Variants in ANKRD30B observed in about 807,000 individuals in gnomAD.
The protein encoded by ANKRD30B is ankyrin repeat domain-containing protein 30B.
In ANKRD30B, 144 loss-of-function variants were observed where a neutral mutation model predicts 202.2. The observed-to-expected ratio is 0.71, with a 90% confidence interval of 0.62 to 0.82. The LOEUF (loss-of-function observed/expected upper bound fraction) is 0.82. Among genes scored for constraint, ANKRD30B ranks in the 40% least tolerant of loss-of-function variants. ANKRD30B has a pLI of 0.00. For missense variants in ANKRD30B, 1,487 were observed against 1,669.1 expected (o/e 0.89, Z 1.90); for synonymous variants, 508 against 561.3 (o/e 0.91, Z 1.34).
intron 41 of ANKRD30B, 116 bp downstream of exon 41, chr18:14,850,498 T>C: frequency 1.8e-6 from 2 of 1,103,026 alleles, no homozygotes; most frequent in East Asian, 3.2e-5. Context: ...AAAAGTATTG[T>C]CTTAAAATTA....
At chr18:14,808,192 T>A (rs190675199) in intron 24 of ANKRD30B, among the ~76,000 whole-genome samples, 1 of 150,846 alleles carries the variant, frequency 6.6e-6, no homozygotes, top group South Asian at 2.1e-4. Flanking sequence ...GACTTATTTT[T>A]TTTTTGGCGG....
At chr18:14,770,458 GTGTT>G (rs1352166317) in intron 8 of ANKRD30B, among the ~76,000 whole-genome samples, 2 of 152,236 alleles carry the variant, frequency 1.3e-5, no homozygotes, top group Non-Finnish European at 2.9e-5. Context: ...ATGTAGGTGA[GTGTT>G]TGAATAATAG....
Position 14,791,406 on chromosome 18 carries a change from C to T in ANKRD30B, c.1740C>T (p.Pro580=), listed in dbSNP as rs1968496220. 1 of 1,607,108 alleles carries T rather than the reference C, an allele frequency of 6.2e-7. No homozygotes were observed. The highest frequency in any genetic ancestry group is 1.3e-5 in the African/African-American group (1 of 74,552). The change falls in exon 16 of 44, where the codon CCC becomes CCT. Residue 580 remains proline (P), a synonymous_variant. Transcript: ENST00000690538. ...ATTGATATTACTTTTAACAGAGTCC[C>T]TGTGAGACGGTTTCACAGAAGGATG... The part of the protein sequence containing the change: ...DEENSWDSES[P]CETVSQKDVY...
At chr18:14,796,529 T>A (rs759475071) in intron 18 of ANKRD30B, 114 bp downstream of exon 18, 1 of 1,279,882 alleles carries the variant, frequency 7.8e-7, no homozygotes, top group African/African-American at 1.5e-5. Flanking sequence ...TGGGAAAATT[T>A]GAAACAAATA....
At chr18:14,867,853 G>C in the ANKRD30B span, among the ~76,000 whole-genome samples, 1 of 152,224 alleles carries the variant, frequency 6.6e-6, no homozygotes, top group Non-Finnish European at 1.5e-5. Flanking sequence ...CCAGTGGCCA[G>C]CATGACAAGG....
intron 24 of ANKRD30B, among the ~76,000 whole-genome samples, chr18:14,805,172 A>AAT (rs1029388331): frequency 4.0e-5 from 6 of 150,932 alleles, no homozygotes; most frequent in Middle Eastern, 3.4e-3. Flanking sequence ...GTGTTGGTAA[A>AAT]ATTGCCATTT....
At chr18:14,891,047 G>A in the ANKRD30B span, among the ~76,000 whole-genome samples, 4 of 151,940 alleles carry the variant, frequency 2.6e-5, no homozygotes, top group Admixed American at 6.6e-5. Context: ...AAATTTTAGC[G>A]TACTTTTATG....
intron 30 of ANKRD30B, among the ~76,000 whole-genome samples, chr18:14,818,132 C>T (rs1970213212): frequency 6.6e-6 from 1 of 152,090 alleles, no homozygotes; most frequent in Non-Finnish European, 1.5e-5. Flanking sequence ...ATTTCTATGT[C>T]AAAGAAATGT....
the ANKRD30B span, among the ~76,000 whole-genome samples, chr18:14,894,502 T>C: frequency 3.9e-5 from 6 of 152,038 alleles, no homozygotes; most frequent in African/African-American, 1.4e-4. Flanking sequence ...TGAAGGGGTA[T>C]ATATTAATAT....
At chr18:14,750,234 A>C (rs1191158319) in intron 1 of ANKRD30B, among the ~76,000 whole-genome samples, 4 of 152,182 alleles carry the variant, frequency 2.6e-5, no homozygotes, top group Non-Finnish European at 4.4e-5. Flanking sequence ...AATTCACTCA[A>C]ATCAACAGAA....
intron 9 of ANKRD30B, among the ~76,000 whole-genome samples, chr18:14,777,517 C>T (rs1400989727): frequency 4.0e-5 from 6 of 151,846 alleles, no homozygotes; most frequent in East Asian, 1.9e-4. Context: ...AGGGTAGTCT[C>T]GATCTCTTGA....
chr18:14,913,292 C>T, the ANKRD30B span, among the ~76,000 whole-genome samples: 20 of 152,296 alleles, frequency 1.3e-4, no homozygotes, highest in African/African-American at 4.6e-4. Context: ...CCATTCACAG[C>T]AGCTGGCCAG....
chr18:14,925,439 G>A, the ANKRD30B span, among the ~76,000 whole-genome samples: 4 of 152,340 alleles, frequency 2.6e-5, no homozygotes, highest in African/African-American at 7.2e-5. Flanking sequence ...CCTCACATTC[G>A]GCTCTGGGAG....
the ANKRD30B span, among the ~76,000 whole-genome samples, chr18:14,866,967 G>A: frequency 3.0e-4 from 13 of 43,126 alleles, no homozygotes; most frequent in Admixed American, 1.4e-3. Flanking sequence ...AATGCCAACT[G>A]GCAGGCAGTC....
rs1969334021 is a variant in ANKRD30B, at chr18:14,803,731, CAG to C, written c.2194_2195del. The C allele has an allele frequency of 6.3e-7, 1 of 1,592,774 alleles. No individual in the cohort carries two copies. The highest frequency in any genetic ancestry group is 2.3e-5 in the East Asian group (1 of 44,238). On this transcript the variant is annotated splice_acceptor_variant, in intron 23 of 43. Transcript: ENST00000690538. LOFTEE classifies it high-confidence loss of function. ...AATTATTTATTGATATTACTTTTAA[CAG>C]AGTTTCCTTGAGACTCTCTTACAGA...
chr18:14,903,618 A>G, the ANKRD30B span: 2 of 152,204 alleles, frequency 1.3e-5, no homozygotes, highest in Non-Finnish European at 2.9e-5. Context: ...GTCTCTATGT[A>G]GACAGAGAAC....
the ANKRD30B span, among the ~76,000 whole-genome samples, chr18:14,917,732 A>G: frequency 5.9e-5 from 9 of 152,346 alleles, no homozygotes; most frequent in South Asian, 1.9e-3. Context: ...CTGGCACAGC[A>G]TGAGTGTGCT....
intron 14 of ANKRD30B, among the ~76,000 whole-genome samples, chr18:14,786,043 TCAAAAAA>T (rs1422256852): frequency 2.6e-5 from 1 of 38,540 alleles, no homozygotes; most frequent in Non-Finnish European, 4.1e-5. Context: ...AGACTCCGTC[TCAAAAAA>T]AAAAAAAAAA....
intron 5 of ANKRD30B, among the ~76,000 whole-genome samples, chr18:14,758,182 A>T (rs771354690): frequency 6.6e-6 from 1 of 152,126 alleles, no homozygotes; most frequent in Admixed American, 6.6e-5. Context: ...GCTCGGGATA[A>T]ACACAGTGTC....
Sources: allele counts gnomAD v4.1 joint callset (sites outside exome capture counted in the v4.1 genomes callset), GRCh38; gene constraint gnomAD v4.1.1; transcripts MANE v1.5; gene names NCBI Gene and HGNC (gene_info 2026-07-23, HGNC 2026-07-21).